ADAMTSL3: variants seen among roughly 807,000 people sequenced by gnomAD.
ADAMTSL3 encodes ADAMTS like 3.
Under a neutral mutation model 201.7 loss-of-function variants are expected in ADAMTSL3, and 128 were observed. That is an observed-to-expected ratio of 0.63 (90% CI 0.55 to 0.73). The LOEUF (loss-of-function observed/expected upper bound fraction) is 0.73. Among genes scored for constraint, ADAMTSL3 ranks in the 30% least tolerant of loss-of-function variants. ADAMTSL3 has a pLI of 0.00. For missense variants in ADAMTSL3, 1,990 were observed against 2,119.6 expected, an observed-to-expected ratio of 0.94 and a Z score of 1.20; for synonymous variants, 738 against 748.4, an observed-to-expected ratio of 0.99 and a Z score of 0.23.
At chr15:83,683,340 T>C (rs72761831) in intron 2 of ADAMTSL3, among the ~76,000 whole-genome samples, 2 of 152,160 alleles carry the variant, frequency 1.3e-5, no homozygotes, top group Non-Finnish European at 1.5e-5. Context: ...CAGTCCTTCC[T>C]CCCTGCTCCT....
intron 6 of ADAMTSL3, among the ~76,000 whole-genome samples, chr15:83,827,321 T>C (rs943279323): frequency 6.6e-6 from 1 of 152,248 alleles, no homozygotes; most frequent in African/African-American, 2.4e-5. Flanking sequence ...TTGAGAAGTG[T>C]CTGTTTATAT....
chr15:84,005,832 T>C (rs1219395878), intron 23 of ADAMTSL3, among the ~76,000 whole-genome samples: 1 of 152,144 alleles, frequency 6.6e-6, no homozygotes. Flanking sequence ...ATCAAATTGA[T>C]TGGGGAACAG....
chr15:83,872,597 A>G (rs2065101140), intron 9 of ADAMTSL3, among the ~76,000 whole-genome samples: 1 of 40,920 alleles, frequency 2.4e-5, no homozygotes, highest in Non-Finnish European at 4.9e-5. Flanking sequence ...GAAAATATAC[A>G]CCACACACAC....
intron 4 of ADAMTSL3, among the ~76,000 whole-genome samples, chr15:83,794,447 C>G (rs1159460316): frequency 6.6e-6 from 1 of 152,190 alleles, no homozygotes; most frequent in Non-Finnish European, 1.5e-5. Flanking sequence ...AATGGTGTTA[C>G]ATCCATACCA....
intron 3 of ADAMTSL3, among the ~76,000 whole-genome samples, chr15:83,726,100 G>T (rs1400462936): frequency 6.6e-6 from 1 of 151,888 alleles, no homozygotes; most frequent in Non-Finnish European, 1.5e-5. Context: ...TTTCATTGTA[G>T]AAATCTTTCA....
At chr15:83,966,193 TGA>T (rs1490096676) in intron 19 of ADAMTSL3, among the ~76,000 whole-genome samples, 1 of 152,056 alleles carries the variant, frequency 6.6e-6, no homozygotes, top group Non-Finnish European at 1.5e-5. Flanking sequence ...AGAGCAGAAC[TGA>T]GAGAGATAGA....
chr15:83,899,010 T>A (rs2046120), intron 14 of ADAMTSL3, among the ~76,000 whole-genome samples: 95,347 of 151,988 alleles, frequency 0.63, 31,001 homozygotes, highest in African/African-American at 0.79. Flanking sequence ...CCACTTTCAT[T>A]GTGTCCATAG....
intron 7 of ADAMTSL3, among the ~76,000 whole-genome samples, chr15:83,839,897 C>T (rs11632002): frequency 0.14 from 21,063 of 152,110 alleles, 1,899 homozygotes; most frequent in Middle Eastern, 0.33. Context: ...CCAAAATTTT[C>T]ACCCCATAAG....
intron 3 of ADAMTSL3, among the ~76,000 whole-genome samples, chr15:83,745,125 G>A (rs776273607): frequency 5.3e-5 from 8 of 152,216 alleles, no homozygotes; most frequent in Non-Finnish European, 7.3e-5. Flanking sequence ...AGAGAGAAGC[G>A]GCTTGACTTC....
intron 20 of ADAMTSL3, among the ~76,000 whole-genome samples, chr15:83,973,523 A>G (rs1438543376): frequency 3.9e-5 from 6 of 152,176 alleles, no homozygotes; most frequent in Non-Finnish European, 7.3e-5. Flanking sequence ...AAAGAAAATA[A>G]TATCACCGTG....
At chr15:83,825,412 A>G (rs1489489056) in intron 6 of ADAMTSL3, among the ~76,000 whole-genome samples, 3 of 152,130 alleles carry the variant, frequency 2.0e-5, no homozygotes, top group Non-Finnish European at 4.4e-5. Context: ...GGAGTTCGAG[A>G]CCAGCCTGGG....
rs1027553707 is a variant in ADAMTSL3 at position 83,899,665 on chromosome 15, C to A, written c.1634C>A (p.Ala545Glu). 7 of 1,611,802 alleles carry A rather than the reference C, an allele frequency of 4.3e-6. No homozygotes were observed. The East Asian group carries it at 6.7e-5, about 15-fold the overall frequency. ...YKPKEKSPVE[A>E]KLPWLKQAQE... ...TTCTTAGAAAAAAGTCCAGTGGAAG[C>A]AAAATTGCCTTGGCTGAAACAAGCA... is the stretch of plus-strand genomic sequence containing the variant. Residue 545 changes from alanine to glutamate, a missense_variant, in exon 15 of 30, where the codon GCA becomes GAA. Transcript: ENST00000286744.
At chr15:83,833,332 C>T (rs1190854888) in intron 6 of ADAMTSL3, among the ~76,000 whole-genome samples, 1 of 152,166 alleles carries the variant, frequency 6.6e-6, no homozygotes, top group East Asian at 1.9e-4. Flanking sequence ...TGCTCCCTGC[C>T]TCCTGGTTCA....
chr15:83,904,071 C>T (rs1328227380), intron 15 of ADAMTSL3, among the ~76,000 whole-genome samples: 1 of 151,652 alleles, frequency 6.6e-6, no homozygotes, highest in African/African-American at 2.4e-5. Context: ...CTCGTATTCA[C>T]AGAGCAAAGC....
chr15:83,691,288 C>T (rs117409276), intron 2 of ADAMTSL3, among the ~76,000 whole-genome samples: 3,442 of 152,288 alleles, frequency 0.023, 60 homozygotes, highest in Non-Finnish European at 0.032. Context: ...CACCTTCATC[C>T]TCCTGCCTGG....
chr15:83,986,150 T>A (rs1294087585), intron 21 of ADAMTSL3, among the ~76,000 whole-genome samples: 1 of 152,192 alleles, frequency 6.6e-6, no homozygotes, highest in African/African-American at 2.4e-5. Flanking sequence ...TAAAACTAGC[T>A]TTGACTTCAT....
At chr15:83,858,699 G>A in intron 7 of ADAMTSL3, 67 bp from the exon 8 acceptor site, 1 of 1,291,100 alleles carries the variant, frequency 7.7e-7, no homozygotes, top group Non-Finnish European at 1.1e-6. Context: ...AGTTTTGATT[G>A]ACTTGCTCAT....
At chr15:83,910,402 AAAT>A (rs2065909481) in intron 15 of ADAMTSL3, among the ~76,000 whole-genome samples, 1 of 151,544 alleles carries the variant, frequency 6.6e-6, no homozygotes. Context: ...TTTAAATAAA[AAAT>A]AATACATAGA....
chr15:83,751,188 G>A (rs2141671506), intron 3 of ADAMTSL3, among the ~76,000 whole-genome samples: 1 of 152,274 alleles, frequency 6.6e-6, no homozygotes, highest in African/African-American at 2.4e-5. Flanking sequence ...GAAATTTGAA[G>A]AATGAAAACT....
Sources: gnomAD v4.1 joint callset for allele counts (sites outside exome capture counted in the v4.1 genomes callset) on GRCh38, gnomAD v4.1.1 for gene constraint, MANE v1.5 for transcripts, NCBI Gene and HGNC (gene_info 2026-07-23, HGNC 2026-07-21) for gene names.